The following GNA13 variants were observed in gnomAD, a reference collection of about 807,000 sequenced individuals.
The protein encoded by GNA13 is G protein subunit alpha 13.
In GNA13, 4 loss-of-function variants were observed where a neutral mutation model predicts 33.5. That is an observed-to-expected ratio of 0.12 (90% CI 0.06 to 0.27). GNA13 has a LOEUF of 0.27. Ranked by LOEUF, GNA13 falls within the 10% of genes least tolerant of loss-of-function variation. The probability of loss-of-function intolerance (pLI) is 1.00; values close to 1 mark genes in which losing one functional copy is unlikely to be tolerated. For missense variants in GNA13, 319 were observed against 487.2 expected, an observed-to-expected ratio of 0.65 and a Z score of 3.25; for synonymous variants, 176 against 183.8, an observed-to-expected ratio of 0.96 and a Z score of 0.34.
At chr17:65,036,620 C>T (rs762270991) in intron 2 of GNA13, among the ~76,000 whole-genome samples, 5 of 152,226 alleles carry the variant, frequency 3.3e-5, no homozygotes, top group South Asian at 2.1e-4. Context: ...GCATAAGAAT[C>T]GCTTGAATCT....
chr17:65,021,377 A>C (rs1906578207), intron 2 of GNA13, among the ~76,000 whole-genome samples: 1 of 152,272 alleles, frequency 6.6e-6, no homozygotes, highest in African/African-American at 2.4e-5. Context: ...TCACAACAAT[A>C]ATTTGTTATA....
At chr17:65,024,268 A>G (rs565666671) in intron 2 of GNA13, among the ~76,000 whole-genome samples, 83 of 152,322 alleles carry the variant, frequency 5.4e-4, no homozygotes, top group African/African-American at 1.8e-3. Context: ...AAAAAATCAT[A>G]TGCTCATTTG....
At chr17:65,022,416 G>C (rs1204323000) in intron 2 of GNA13, among the ~76,000 whole-genome samples, 1 of 149,204 alleles carries the variant, frequency 6.7e-6, no homozygotes, top group Non-Finnish European at 1.5e-5. Context: ...AAAAAAAAAA[G>C]GGAGTAAATA....
At chr17:65,020,183 G>A (rs1189989755) in intron 2 of GNA13, among the ~76,000 whole-genome samples, 5 of 152,138 alleles carry the variant, frequency 3.3e-5, no homozygotes, top group African/African-American at 1.2e-4. Context: ...ATTACTGGGA[G>A]GAAGTTACCC....
At chr17:65,016,656 C>G (rs957909038) in intron 3 of GNA13, among the ~76,000 whole-genome samples, 2 of 152,210 alleles carry the variant, frequency 1.3e-5, no homozygotes, top group African/African-American at 4.8e-5. Context: ...GCCACTGCAC[C>G]CGGCCAGAAT....
At chr17:65,044,500 A>G (rs1041458502) in intron 2 of GNA13, among the ~76,000 whole-genome samples, 2 of 152,100 alleles carry the variant, frequency 1.3e-5, no homozygotes, top group African/African-American at 4.8e-5. Context: ...TTTTAACTGG[A>G]AAAAAATTTG....
chr17:65,029,623 G>GT (rs34667867), intron 2 of GNA13, among the ~76,000 whole-genome samples: 129,326 of 152,132 alleles, frequency 0.85, 58,906 homozygotes, highest in East Asian at 1. Flanking sequence ...TGCACTTACG[G>GT]TTTATACCAC....
intron 2 of GNA13, among the ~76,000 whole-genome samples, chr17:65,050,204 G>A (rs946278096): frequency 6.6e-6 from 1 of 152,138 alleles, no homozygotes; most frequent in Non-Finnish European, 1.5e-5. Context: ...ACAAAATAGA[G>A]GAAAGGAGGG....
At chr17:65,026,808 C>A (rs936676113) in intron 2 of GNA13, among the ~76,000 whole-genome samples, 1 of 152,334 alleles carries the variant, frequency 6.6e-6, no homozygotes, top group East Asian at 1.9e-4. Flanking sequence ...GACGGAGTTT[C>A]GCTCTTGTTG....
chr17:65,018,092 T>TAAAAAAAAAAA (rs767082596), intron 3 of GNA13, among the ~76,000 whole-genome samples, 161 bp downstream of exon 3: 4 of 21,474 alleles, frequency 1.9e-4, no homozygotes, highest in African/African-American at 5.6e-4. Flanking sequence ...ACGCCACCAC[T>TAAAAAAAAAAA]AAAAAAAAAA....
chr17:65,046,187 A>AT (rs1368166713), intron 2 of GNA13, among the ~76,000 whole-genome samples: 1 of 152,206 alleles, frequency 6.6e-6, no homozygotes, highest in East Asian at 1.9e-4. Flanking sequence ...TGTGATAGGG[A>AT]TTTGAAAAGT....
chr17:65,028,989 G>A (rs1906904118), intron 2 of GNA13, among the ~76,000 whole-genome samples: 1 of 152,192 alleles, frequency 6.6e-6, no homozygotes, highest in South Asian at 2.1e-4. Flanking sequence ...AAAGGAGGCA[G>A]AGTTACTGAT....
intron 2 of GNA13, chr17:65,052,176 G>A (rs1262996822): frequency 6.6e-6 from 1 of 151,864 alleles, no homozygotes; most frequent in African/African-American, 2.4e-5. Context: ...TTTTGGAGAT[G>A]GAGTTCTGCT....
At chr17:65,041,002 G>C (rs1907431208) in intron 2 of GNA13, among the ~76,000 whole-genome samples, 1 of 152,094 alleles carries the variant, frequency 6.6e-6, no homozygotes, top group Non-Finnish European at 1.5e-5. Context: ...TCAATGAAAA[G>C]ATACAACCAC....
intron 2 of GNA13, among the ~76,000 whole-genome samples, chr17:65,026,229 C>A (rs1250691451): frequency 1.3e-5 from 2 of 150,890 alleles, no homozygotes; most frequent in Non-Finnish European, 3.0e-5. Flanking sequence ...TAAGACAACA[C>A]AAAAATCACA....
intron 2 of GNA13, among the ~76,000 whole-genome samples, chr17:65,048,988 C>A (rs1226515846): frequency 1.3e-5 from 2 of 152,008 alleles, no homozygotes; most frequent in Non-Finnish European, 2.9e-5. Context: ...TTCAACCCCC[C>A]CAAATAAAAA....
At chr17:65,023,405 A>G (rs1598482713) in intron 2 of GNA13, among the ~76,000 whole-genome samples, 1 of 152,340 alleles carries the variant, frequency 6.6e-6, no homozygotes, top group East Asian at 1.9e-4. Context: ...TAGCAGCGCT[A>G]AAGTTTTACT....
At chr17:65,047,421 C>A (rs533936240) in intron 2 of GNA13, among the ~76,000 whole-genome samples, 132 of 152,178 alleles carry the variant, frequency 8.7e-4, no homozygotes, top group African/African-American at 3.1e-3. Context: ...ATAAAAACCT[C>A]TACTATCTCT....
chr17:65,033,012 G>A (rs1431420776), intron 2 of GNA13, among the ~76,000 whole-genome samples: 2 of 151,976 alleles, frequency 1.3e-5, no homozygotes, highest in Non-Finnish European at 2.9e-5. Context: ...TCAGGAGGCT[G>A]AGGCAGGAGA....
Sources: gnomAD v4.1 joint callset for allele counts (sites outside exome capture counted in the v4.1 genomes callset) on GRCh38, gnomAD v4.1.1 for gene constraint, MANE v1.5 for transcripts, NCBI Gene and HGNC (gene_info 2026-07-23, HGNC 2026-07-21) for gene names.